Variants in CBR4 observed in about 807,000 individuals in gnomAD.
The protein encoded by CBR4 is 3-oxoacyl-[acyl-carrier-protein] reductase.
In CBR4, 22 loss-of-function variants were observed where a neutral mutation model predicts 21.0. The observed-to-expected ratio is 1.05, with a 90% CI of 0.75 to 1.50. The LOEUF (loss-of-function observed/expected upper bound fraction) is 1.50. CBR4 is among the 40% of genes most tolerant of loss of function. The pLI, the probability that CBR4 is intolerant of heterozygous loss-of-function variation, is 0.00. For synonymous variants in CBR4, 100 were observed against 104.4 expected, an observed-to-expected ratio of 0.96 and a Z score of 0.26; for missense variants, 302 against 286.3, an observed-to-expected ratio of 1.05 and a Z score of -0.40.
intron 2 of CBR4, among the ~76,000 whole-genome samples, chr4:168,936,367 G>A (rs182227115): frequency 3.3e-5 from 5 of 152,230 alleles, no homozygotes; most frequent in Admixed American, 3.3e-4. Flanking sequence ...AAATGAGAAT[G>A]CCTCTTCTCC....
intron 2 of CBR4, chr4:168,925,157 T>G (rs1052528287): frequency 1.9e-5 from 30 of 1,582,710 alleles, no homozygotes; most frequent in Non-Finnish European, 2.5e-5. Flanking sequence ...GCAAATCACA[T>G]TACTCTTTAT....
Position 168,903,626 on chromosome 4 carries a change from G to A in CBR4, n.170-8861C>T, listed in dbSNP as rs1757018599. ...CAGTGAAAAATCAATTCCTTAGTCA[G>A]GTATTTGGTTTAACATTTTAACATG... On this transcript the variant is annotated intron_variant and non_coding_transcript_variant, in intron 2 of 3. Transcript: ENST00000509108. 6 of 733,718 alleles carry A rather than the reference G, an allele frequency of 8.2e-6. No individual in the cohort carries two copies. In the East Asian group the frequency reaches 1.1e-4, roughly 13 times the overall value. The allele number at this position is 733,718 out of a possible 1,614,324, so 45.5% of individuals were successfully genotyped here.
intron 3 of CBR4, among the ~76,000 whole-genome samples, chr4:169,006,430 C>T (rs1015444790): frequency 6.6e-6 from 1 of 152,146 alleles, no homozygotes; most frequent in Non-Finnish European, 1.5e-5. Flanking sequence ...CATTCTTGCA[C>T]GGCAACAATC....
chr4:168,941,694 GCCTT>G (rs1210848801), intron 2 of CBR4, among the ~76,000 whole-genome samples: 2 of 152,184 alleles, frequency 1.3e-5, no homozygotes, highest in African/African-American at 4.8e-5. Flanking sequence ...CAGCGTAAAA[GCCTT>G]CCTATTTCTC....
In CBR4 at chr4:168,937,272, G is replaced by C. The variant is rs563087443; in HGVS notation, n.170-42507C>G. Among the ~76,000 whole-genome samples, 46 of 152,270 alleles carry C rather than the reference G, an allele frequency of 3.0e-4. No individual in the cohort carries two copies. The South Asian group carries it at 3.9e-3, about 13-fold the overall frequency. ...ACACAAGCAAATGCTAAGAGATTTTGTCATCACCAGGCCTGACTTACAAGA... is the reference window on the plus strand; with the variant it reads ...ACACAAGCAAATGCTAAGAGATTTTCTCATCACCAGGCCTGACTTACAAGA... On this transcript the variant is annotated intron_variant and non_coding_transcript_variant, in intron 2 of 3. Coordinates refer to the CBR4 transcript ENST00000509108.
chr4:168,944,157 GT>G (rs1226622337), intron 2 of CBR4, among the ~76,000 whole-genome samples: 1 of 151,974 alleles, frequency 6.6e-6, no homozygotes, highest in Admixed American at 6.6e-5. Flanking sequence ...AAAGTTTTGA[GT>G]TTTTACCTGA....
chr4:168,904,087 T>C, intron 2 of CBR4: 1 of 632,204 alleles, frequency 1.6e-6, no homozygotes. Flanking sequence ...TCATGAATAC[T>C]TATTTATTCC....
intron 2 of CBR4, among the ~76,000 whole-genome samples, chr4:168,917,445 G>A (rs530462617): frequency 5.3e-5 from 8 of 152,258 alleles, no homozygotes; most frequent in Admixed American, 3.3e-4. Flanking sequence ...GTAAGATAAC[G>A]TTCATCCATT....
intron 2 of CBR4, among the ~76,000 whole-genome samples, chr4:168,917,901 G>T (rs892198916): frequency 6.6e-6 from 1 of 151,858 alleles, no homozygotes; most frequent in African/African-American, 2.4e-5. Flanking sequence ...TTATATATCC[G>T]AGGAAAATGA....
chr4:168,912,568 G>A lies in CBR4; in HGVS notation n.170-17803C>T, dbSNP rs891972076. ...TACTTGTCTGTTCACATATGACAGC[G>A]TTTATCAAACTCTTTTTTTGCTTTT... On this transcript the variant is annotated intron_variant and non_coding_transcript_variant, in intron 2 of 3. Coordinates refer to the CBR4 transcript ENST00000509108. 9.9e-5 allele frequency among the ~76,000 whole-genome samples: 15 copies of A among 152,144 alleles called. 1 individual carries two copies. Among genetic ancestry groups the A allele is most frequent in the South Asian group, 4.1e-4 (2 of 4,824 alleles).
At position 168,935,405 on chromosome 4, in the gene CBR4, G is replaced by A. The variant is rs115020804; in HGVS notation, n.170-40640C>T. Among the ~76,000 whole-genome samples, 799 of 152,256 alleles carry A rather than the reference G, an allele frequency of 5.2e-3. 8 individuals carry two copies. The highest frequency in any genetic ancestry group is 0.015 in the African/African-American group (640 of 41,544). On this transcript the variant is annotated intron_variant and non_coding_transcript_variant, in intron 2 of 3. Transcript: ENST00000509108. ...CCCCAGTGACTCCTGGAACACCAGC[G>A]AGACAGAACCATTCACTCCCTGGAA...
chr4:168,940,529 G>C (rs956452481), intron 2 of CBR4, among the ~76,000 whole-genome samples: 5 of 151,946 alleles, frequency 3.3e-5, no homozygotes, highest in Admixed American at 6.6e-5. Flanking sequence ...GAAAATCTTT[G>C]CAATCTACCC....
chr4:168,925,451 T>C, intron 2 of CBR4: 3 of 643,580 alleles, frequency 4.7e-6, no homozygotes, highest in South Asian at 3.7e-5. Context: ...GACTGCCTTT[T>C]AACATTTCTT....
chr4:168,961,218 T>A (rs1236705198), intron 2 of CBR4, among the ~76,000 whole-genome samples: 2 of 152,202 alleles, frequency 1.3e-5, no homozygotes, highest in Non-Finnish European at 2.9e-5. Context: ...AGTTGCAGAT[T>A]CAGATTTAAA....
rs139329371 is a variant in CBR4 at position 168,969,984 on chromosome 4, T to G, written n.169+32087A>C. 7.2e-5 allele frequency among the ~76,000 whole-genome samples: 11 copies of G among 152,356 alleles called. No individual in the cohort carries two copies. In the East Asian group the frequency reaches 2.1e-3, roughly 29 times the overall value. ...ATGTCAACGAAATTTCATGTGGTCT[T>G]GATTTGCATATCTCTAGTGTGAACA... is the stretch of plus-strand genomic sequence containing the variant. On this transcript the variant is annotated intron_variant and non_coding_transcript_variant, in intron 2 of 3. Transcript: ENST00000509108.
chr4:168,974,806 CCTTT>C (rs1764319737), intron 2 of CBR4, among the ~76,000 whole-genome samples: 1 of 151,986 alleles, frequency 6.6e-6, no homozygotes, highest in African/African-American at 2.4e-5. Context: ...TCTTCCATAT[CCTTT>C]ATTTTTTTTT....
At chr4:168,923,367 T>C (rs1210087797) in intron 2 of CBR4, among the ~76,000 whole-genome samples, 1 of 152,234 alleles carries the variant, frequency 6.6e-6, no homozygotes, top group Non-Finnish European at 1.5e-5. Flanking sequence ...TGCTGTGATA[T>C]ATCTGTCACT....
At chr4:168,994,916 G>C (rs1282432237) in intron 4 of CBR4, among the ~76,000 whole-genome samples, 1 of 151,950 alleles carries the variant, frequency 6.6e-6, no homozygotes, top group South Asian at 2.1e-4. Flanking sequence ...CACCACACCA[G>C]GCTAATTTTG....
At chr4:168,905,894 GGTTCA>G (rs1255096709) in intron 2 of CBR4, among the ~76,000 whole-genome samples, 1 of 150,558 alleles carries the variant, frequency 6.6e-6, no homozygotes, top group Non-Finnish European at 1.5e-5. Context: ...CCACCTCCTG[GGTTCA>G]AGCAATTCTT....
Sources: gnomAD v4.1 joint callset for allele counts (sites outside exome capture counted in the v4.1 genomes callset) on GRCh38, gnomAD v4.1.1 for gene constraint, MANE v1.5 for transcripts, NCBI Gene and HGNC (gene_info 2026-07-23, HGNC 2026-07-21) for gene names.